The following FAM180A variants were observed in gnomAD, a reference collection of about 807,000 sequenced individuals.
FAM180A encodes family with sequence similarity 180 member A.
A neutral mutation model predicts 15.3 loss-of-function variants in FAM180A; 14 were observed. That is an observed-to-expected ratio of 0.92 (90% CI 0.61 to 1.43). The LOEUF (loss-of-function observed/expected upper bound fraction) is 1.43, where lower values mean the gene tolerates loss of function less well. Among genes scored for constraint, FAM180A ranks in the 40% most tolerant of loss-of-function variants. The probability of loss-of-function intolerance (pLI) is 0.00; values close to 1 mark genes in which losing one functional copy is unlikely to be tolerated. For synonymous variants in FAM180A, 90 were observed against 96.8 expected, an observed-to-expected ratio of 0.93 and a Z score of 0.41; for missense variants, 200 against 220.8, an observed-to-expected ratio of 0.91 and a Z score of 0.60.
chr7:135,730,785 T>C (rs1309184547), intron 3 of FAM180A, among the ~76,000 whole-genome samples: 1 of 151,956 alleles, frequency 6.6e-6, no homozygotes, highest in African/African-American at 2.4e-5. Context: ...AAGAATAGGG[T>C]TTTTTGGCTG....
rs73723903 is a variant in FAM180A, at chr7:135,730,947, T to A, written c.*330-666A>T. On this transcript the variant is annotated intron_variant, in intron 3 of 3. Transcript: ENST00000338588. ...TCTTCATTTGTCTTTAAAAAGGTCATGTCCTTCTTTTTTCTATTTTTTTTT... is the reference window on the plus strand; with the variant it reads ...TCTTCATTTGTCTTTAAAAAGGTCAAGTCCTTCTTTTTTCTATTTTTTTTT... 5.8e-3 allele frequency among the ~76,000 whole-genome samples: 721 copies of A among 124,320 alleles called. 3 individuals are homozygous for A. Among genetic ancestry groups the A allele is most frequent in the African/African-American group, 0.022 (691 of 31,854 alleles). 81.6% of individuals were successfully genotyped at this position (124,320 alleles called of 152,430 possible). A position where few individuals can be genotyped will look rare whatever the true frequency, so the allele number is the denominator to read the frequency against.
intron 1 of FAM180A, among the ~76,000 whole-genome samples, chr7:135,745,676 AAGAC>A (rs1306724768): frequency 6.6e-6 from 1 of 152,046 alleles, no homozygotes; most frequent in African/African-American, 2.4e-5. Flanking sequence ...TGGTAGGAAA[AAGAC>A]AGTGCTAACA....
chr7:135,748,723 G>A lies in FAM180A; in HGVS notation c.-143C>T, dbSNP rs748742340. ...GCAGACGTGCAGAAATGCCTACTCT[G>A]CCTCAGAAGGCTGGAGGCTGAAGGC... On this transcript the variant is annotated 5_prime_UTR_variant, in exon 1 of 4. Transcript: ENST00000338588. 5.7e-6 allele frequency: 4 copies of A among 701,070 alleles called. No homozygotes were observed. The highest frequency in any genetic ancestry group is 1.0e-5 in the Non-Finnish European group (4 of 394,656). The allele number at this position is 701,070 out of a possible 1,614,324, so 43.4% of individuals were successfully genotyped here.
chr7:135,730,047 G>A lies in FAM180A; in HGVS notation c.*564C>T, dbSNP rs562285878. On this transcript the variant is annotated 3_prime_UTR_variant, in exon 4 of 4. Coordinates refer to ENST00000338588, the MANE Select transcript of FAM180A (RefSeq NM_205855.4). ...AAAAAATAAGATTGAAATGGATTAGGAAAGTAAGGGGTGTTGTAAAAAGTC... is the reference window on the plus strand; with the variant it reads ...AAAAAATAAGATTGAAATGGATTAGAAAAGTAAGGGGTGTTGTAAAAAGTC... 2 of 985,240 alleles carry A rather than the reference G, an allele frequency of 2.0e-6. No homozygotes were observed. The highest frequency in any genetic ancestry group is 1.7e-5 in the African/African-American group (1 of 57,360). 61.0% of individuals were successfully genotyped at this position (985,240 alleles called of 1,614,324 possible). A position where few individuals can be genotyped will look rare whatever the true frequency, so the allele number is the denominator to read the frequency against.
chr7:135,737,108 C>T lies in FAM180A; in HGVS notation c.168G>A (p.Leu56=), dbSNP rs1419222355. 3.1e-6 allele frequency: 5 copies of T among 1,612,024 alleles called. No individual in the cohort carries two copies. In the African/African-American group the frequency reaches 6.7e-5, roughly 22 times the overall value. ...GTTCCCCTCTGCCTACCTCGTAGAG[C>T]AGCTCCACCTCCTCCAGGGAGGTCT... ...VLQTSLEEVE[L]LYEFLLAELE... is the part of the protein sequence containing the mutation. Residue 56 remains leucine, a synonymous_variant, in exon 2 of 4, where the codon CTG becomes CTA. Coordinates refer to ENST00000338588, the MANE Select transcript of FAM180A (RefSeq NM_205855.4).
intron 1 of FAM180A, among the ~76,000 whole-genome samples, chr7:135,743,280 G>A (rs1796978858): frequency 6.7e-6 from 1 of 149,782 alleles, no homozygotes; most frequent in Non-Finnish European, 1.5e-5. Context: ...GGAGGGCAGT[G>A]GTGCAATCTG....
At chr7:135,733,615 G>T in intron 3 of FAM180A, 31 bp downstream of exon 3, 1 of 1,010,992 alleles carries the variant, frequency 9.9e-7, no homozygotes, top group Non-Finnish European at 1.2e-6. Flanking sequence ...CTAAAGTGCT[G>T]GGATTACAGG....
rs1447357573 is a variant in FAM180A at position 135,748,685 on chromosome 7, C to T, written c.-105G>A. On this transcript the variant is annotated 5_prime_UTR_variant, in exon 1 of 4. Transcript: ENST00000338588. ...CCCAGTGAGATGATGGAGTGCTTCCCTCCCTTCCTTTTGCAGACGTGCAGA... is the reference window on the plus strand; with the variant it reads ...CCCAGTGAGATGATGGAGTGCTTCCTTCCCTTCCTTTTGCAGACGTGCAGA... 2.4e-5 allele frequency: 21 copies of T among 880,764 alleles called. No homozygotes were observed. In the African/African-American group the frequency reaches 2.6e-4, roughly 11 times the overall value. 54.6% of individuals were successfully genotyped at this position (880,764 alleles called of 1,614,324 possible).
At chr7:135,731,097 A>C (rs1214784727) in intron 3 of FAM180A, among the ~76,000 whole-genome samples, 1 of 152,142 alleles carries the variant, frequency 6.6e-6, no homozygotes, top group African/African-American at 2.4e-5. Flanking sequence ...AGCCATCTAC[A>C]TAACATGGTG....
chr7:135,747,233 A>G (rs983245699), intron 1 of FAM180A, among the ~76,000 whole-genome samples: 18 of 152,206 alleles, frequency 1.2e-4, no homozygotes, highest in Non-Finnish European at 2.4e-4. Context: ...TGCCTGTATC[A>G]AAACATCTCA....
At chr7:135,732,830 A>C (rs1306585685) in intron 3 of FAM180A, among the ~76,000 whole-genome samples, 1 of 152,222 alleles carries the variant, frequency 6.6e-6, no homozygotes, top group Non-Finnish European at 1.5e-5. Context: ...AATATCTATA[A>C]AAGGAAAGTT....
At chr7:135,738,378 G>A (rs1796901210) in intron 1 of FAM180A, among the ~76,000 whole-genome samples, 1 of 152,176 alleles carries the variant, frequency 6.6e-6, no homozygotes, top group Non-Finnish European at 1.5e-5. Context: ...ATTTTTAGTA[G>A]AGACAGGATT....
At chr7:135,735,655 A>C (rs984232772) in intron 2 of FAM180A, among the ~76,000 whole-genome samples, 1 of 152,168 alleles carries the variant, frequency 6.6e-6, no homozygotes, top group Admixed American at 6.5e-5. Context: ...GCAGGATTTG[A>C]AATCTCTCCC....
At chr7:135,741,204 C>T (rs1025420667) in intron 1 of FAM180A, among the ~76,000 whole-genome samples, 1 of 152,248 alleles carries the variant, frequency 6.6e-6, no homozygotes, top group Non-Finnish European at 1.5e-5. Context: ...AAAATACTTC[C>T]TGATTCAAAG....
chr7:135,748,120 T>C (rs10273605), intron 1 of FAM180A, among the ~76,000 whole-genome samples: 7,287 of 152,266 alleles, frequency 0.048, 403 homozygotes, highest in East Asian at 0.13. Context: ...GGCATCCCAG[T>C]GCCCATCACT....
chr7:135,736,465 T>C (rs1796874011), intron 2 of FAM180A, among the ~76,000 whole-genome samples: 1 of 152,214 alleles, frequency 6.6e-6, no homozygotes, highest in Admixed American at 6.5e-5. Flanking sequence ...AAACAGTGGC[T>C]TATGCAAGGT....
chr7:135,730,266 G>A lies in FAM180A; in HGVS notation c.*345C>T. On this transcript the variant is annotated 3_prime_UTR_variant, in exon 4 of 4. Coordinates refer to ENST00000338588, the MANE Select transcript of FAM180A (RefSeq NM_205855.4). Reference sequence around the variant, plus strand: ...AGAAAGTTTTTAGATCCTGGGCCAGGCACGGTGGCTCACGCCTGTAATCCT... The same window carrying A: ...AGAAAGTTTTTAGATCCTGGGCCAGACACGGTGGCTCACGCCTGTAATCCT... 2.0e-6 allele frequency: 2 copies of A among 985,410 alleles called. No homozygotes were observed. Among genetic ancestry groups the A allele is most frequent in the Non-Finnish European group, 2.4e-6 (2 of 829,898 alleles). 61.0% of individuals were successfully genotyped at this position (985,410 alleles called of 1,614,324 possible). A position where few individuals can be genotyped will look rare whatever the true frequency, so the allele number is the denominator to read the frequency against.
At chr7:135,745,469 C>CTGTGTG (rs142097069) in intron 1 of FAM180A, among the ~76,000 whole-genome samples, 2 of 149,938 alleles carry the variant, frequency 1.3e-5, no homozygotes, top group African/African-American at 4.9e-5. Context: ...CGTGGGCCAC[C>CTGTGTG]TGTGTGTGTG....
intron 1 of FAM180A, among the ~76,000 whole-genome samples, chr7:135,740,447 A>C (rs1187337669): frequency 6.6e-6 from 1 of 152,114 alleles, no homozygotes; most frequent in Non-Finnish European, 1.5e-5. Flanking sequence ...CCTTGACTAG[A>C]CATTCGATTC....
Sources: gnomAD v4.1 joint callset for allele counts (sites outside exome capture counted in the v4.1 genomes callset) on GRCh38, gnomAD v4.1.1 for gene constraint, MANE v1.5 for transcripts, NCBI Gene and HGNC (gene_info 2026-07-23, HGNC 2026-07-21) for gene names.